HMGN5: variants seen among roughly 807,000 people sequenced by gnomAD.
The protein encoded by HMGN5 is high mobility group nucleosome binding domain 5, also known as high mobility group nucleosome-binding domain-containing protein 5.
A neutral mutation model predicts 9.5 loss-of-function variants in HMGN5; 4 were observed. The ratio of observed to expected loss-of-function variants is 0.42; its 90% CI spans 0.21 to 0.96. The LOEUF (loss-of-function observed/expected upper bound fraction) is 0.96. Ranked by LOEUF, HMGN5 falls within the 40% of genes least tolerant of loss-of-function variation. The probability of loss-of-function intolerance (pLI) is 0.30; values close to 1 mark genes in which losing one functional copy is unlikely to be tolerated. For synonymous variants in HMGN5, 55 were observed against 57.1 expected (o/e 0.96, Z 0.16); for missense variants, 192 against 187.5 (o/e 1.02, Z -0.14).
intron 6 of HMGN5, among the ~76,000 whole-genome samples, chrX:81,115,433 C>T (rs1569339868): frequency 9.0e-6 from 1 of 111,612 alleles, no homozygotes; most frequent in Non-Finnish European, 1.9e-5. Context: ...AATATGTCCA[C>T]GGAAATATCT....
intron 6 of HMGN5, among the ~76,000 whole-genome samples, chrX:81,115,953 G>A (rs1271997088): frequency 8.9e-6 from 1 of 111,877 alleles, no homozygotes; most frequent in Non-Finnish European, 1.9e-5. Context: ...AGGTTGTTAT[G>A]TTAGTACTAA....
intron 1 of HMGN5, among the ~76,000 whole-genome samples, chrX:81,190,911 C>T (rs1422111315): frequency 9.0e-6 from 1 of 111,490 alleles, no homozygotes; most frequent in Non-Finnish European, 1.9e-5. Context: ...GCTCTCTAGT[C>T]TATTCCCTTG....
intron 1 of HMGN5, among the ~76,000 whole-genome samples, chrX:81,187,577 C>T (rs770616692): frequency 1.8e-5 from 2 of 110,400 alleles, no homozygotes; most frequent in South Asian, 3.8e-4. Context: ...TTTTTGTTTT[C>T]GATCCATGTG....
At chrX:81,150,683 C>G (rs1200166343) in intron 1 of HMGN5, among the ~76,000 whole-genome samples, 1 of 111,172 alleles carries the variant, frequency 9.0e-6, no homozygotes, top group Admixed American at 9.5e-5. Context: ...ATCAATGAAA[C>G]AGAAAGTTGC....
intron 1 of HMGN5, among the ~76,000 whole-genome samples, chrX:81,151,182 C>G (rs1038757210): frequency 8.9e-6 from 1 of 111,970 alleles, no homozygotes; most frequent in Non-Finnish European, 1.9e-5. Context: ...CCAGTTTTCC[C>G]AGCACCATTT....
chrX:81,177,542 A>G (rs1029343009), intron 1 of HMGN5, among the ~76,000 whole-genome samples: 1 of 110,246 alleles, frequency 9.1e-6, no homozygotes, highest in African/African-American at 3.3e-5. Context: ...TACCCAATAC[A>G]GGAGCACCCA....
intron 1 of HMGN5, among the ~76,000 whole-genome samples, chrX:81,130,276 G>C (rs2075294983): frequency 9.0e-6 from 1 of 111,420 alleles, no homozygotes; most frequent in Non-Finnish European, 1.9e-5. Context: ...AGAATTACTA[G>C]TTGTATGTAA....
intron 1 of HMGN5, among the ~76,000 whole-genome samples, chrX:81,155,869 G>A (rs1430581963): frequency 1.8e-5 from 2 of 111,324 alleles, no homozygotes; most frequent in Non-Finnish European, 3.8e-5. Flanking sequence ...CTATATTTGT[G>A]ATAAAATTTC....
At chrX:81,152,356 A>G (rs1255221963) in intron 1 of HMGN5, among the ~76,000 whole-genome samples, 1 of 112,122 alleles carries the variant, frequency 8.9e-6, no homozygotes, top group Non-Finnish European at 1.9e-5. Flanking sequence ...ACACTTCTCA[A>G]AAGAGGACAT....
At chrX:81,183,808 G>A (rs1415800916) in intron 1 of HMGN5, among the ~76,000 whole-genome samples, 1 of 112,718 alleles carries the variant, frequency 8.9e-6, no homozygotes, top group East Asian at 2.8e-4. Context: ...TCAGACTTGT[G>A]TGGGGCCTGT....
intron 1 of HMGN5, among the ~76,000 whole-genome samples, chrX:81,154,586 G>T (rs1037746377): frequency 9.0e-6 from 1 of 110,892 alleles, no homozygotes; most frequent in South Asian, 3.8e-4. Flanking sequence ...ATAACCCACA[G>T]AATTGGAGAA....
chrX:81,200,941 G>A (rs2075525015), intron 1 of HMGN5, among the ~76,000 whole-genome samples: 2 of 111,557 alleles, frequency 1.8e-5, no homozygotes, highest in Non-Finnish European at 3.8e-5. Context: ...ATTTTTCTGA[G>A]TTTCAGTTTC....
At chrX:81,185,381 A>G (rs1050733748) in intron 1 of HMGN5, among the ~76,000 whole-genome samples, 4 of 111,482 alleles carry the variant, frequency 3.6e-5, no homozygotes, top group Non-Finnish European at 5.7e-5. Flanking sequence ...TAGCTACTGC[A>G]AATGGGGTTA....
intron 1 of HMGN5, among the ~76,000 whole-genome samples, chrX:81,152,630 C>T (rs937892698): frequency 8.1e-5 from 9 of 111,144 alleles, no homozygotes; most frequent in African/African-American, 2.9e-4. Flanking sequence ...TTTGACCTAG[C>T]CATCCCATTA....
At chrX:81,140,904 C>T (rs898301813) in intron 1 of HMGN5, among the ~76,000 whole-genome samples, 34 of 111,797 alleles carry the variant, frequency 3.0e-4, no homozygotes, top group Non-Finnish European at 5.6e-4. Context: ...CATCTCTGGA[C>T]TTGCCCTGGG....
chrX:81,142,434 A>T (rs1346664432), intron 1 of HMGN5, among the ~76,000 whole-genome samples: 1 of 112,061 alleles, frequency 8.9e-6, no homozygotes, highest in East Asian at 2.8e-4. Flanking sequence ...ACTCCCAAAT[A>T]CAAAGGATGA....
chrX:81,142,035 T>A (rs1381393255), intron 1 of HMGN5, among the ~76,000 whole-genome samples: 2 of 112,193 alleles, frequency 1.8e-5, no homozygotes, highest in Non-Finnish European at 3.8e-5. Context: ...CCAGCATAAA[T>A]TCTGAAGCTG....
intron 1 of HMGN5, among the ~76,000 whole-genome samples, chrX:81,142,837 C>T (rs1602564154): frequency 9.0e-6 from 1 of 111,251 alleles, no homozygotes; most frequent in African/African-American, 3.3e-5. Context: ...TATTATAACA[C>T]CATAACTGTG....
intron 1 of HMGN5, among the ~76,000 whole-genome samples, chrX:81,199,470 T>A (rs2075518836): frequency 8.9e-6 from 1 of 112,476 alleles, no homozygotes. Flanking sequence ...GCTACCTGAC[T>A]TCAAACTATA....
Sources: gnomAD v4.1 joint callset for allele counts (sites outside exome capture counted in the v4.1 genomes callset) on GRCh38, gnomAD v4.1.1 for gene constraint, MANE v1.5 for transcripts, NCBI Gene and HGNC (gene_info 2026-07-23, HGNC 2026-07-21) for gene names.